Variants in PLCXD2 observed in about 807,000 individuals in gnomAD.
The protein encoded by PLCXD2 is phosphatidylinositol specific phospholipase C X domain containing 2.
PLCXD2 carries 21 observed loss-of-function variants against 28.6 expected under a neutral mutation model. The ratio of observed to expected loss-of-function variants is 0.73; its 90% CI spans 0.52 to 1.06. The LOEUF (loss-of-function observed/expected upper bound fraction) is 1.06. PLCXD2 is among the 50% of genes least tolerant of loss of function. The pLI, the probability that PLCXD2 is intolerant of heterozygous loss-of-function variation, is 0.00. For missense variants in PLCXD2, 369 were observed against 376.7 expected, an observed-to-expected ratio of 0.98 and a Z score of 0.17; for synonymous variants, 140 against 150.1, an observed-to-expected ratio of 0.93 and a Z score of 0.49.
intron 1 of PLCXD2, among the ~76,000 whole-genome samples, chr3:111,704,760 T>C (rs1278847017): frequency 6.6e-6 from 1 of 152,060 alleles, no homozygotes; most frequent in African/African-American, 2.4e-5. Flanking sequence ...TTATAGTCAA[T>C]CATATTCATC....
At chr3:111,686,060 G>T (rs1940790572) in intron 1 of PLCXD2, among the ~76,000 whole-genome samples, 1 of 152,192 alleles carries the variant, frequency 6.6e-6, no homozygotes, top group African/African-American at 2.4e-5. Flanking sequence ...TGCCCCTCTG[G>T]CAATCTCAGG....
At position 111,676,551 on chromosome 3, in the gene PLCXD2, C is replaced by T. The variant is rs551336351; in HGVS notation, c.163+1143C>T. Reference sequence around the variant, plus strand: ...CCAGGTTCATTGTCCTCATAGGCCCCGGTTGCTTTTGAGCAAGGAGAGGGC... The same window carrying T: ...CCAGGTTCATTGTCCTCATAGGCCCTGGTTGCTTTTGAGCAAGGAGAGGGC... On this transcript the variant is annotated intron_variant, in intron 1 of 4. Coordinates refer to ENST00000477665, the MANE Select transcript of PLCXD2 (RefSeq NM_001185106.1). 3.3e-5 allele frequency among the ~76,000 whole-genome samples: 5 copies of T among 152,204 alleles called. No homozygotes were observed. The South Asian group carries it at 6.2e-4, about 19-fold the overall frequency.
intron 1 of PLCXD2, among the ~76,000 whole-genome samples, chr3:111,701,652 A>G (rs530312956): frequency 6.6e-6 from 1 of 152,142 alleles, no homozygotes; most frequent in Non-Finnish European, 1.5e-5. Context: ...AAAGGACCCA[A>G]ATTAGGGTTT....
rs1317237797 is a variant in PLCXD2 at position 111,708,226 on chromosome 3, A to C, written c.464A>C (p.Gln155Pro). 6.2e-7 allele frequency: 1 copy of C among 1,614,174 alleles called. No individual in the cohort carries two copies. Among genetic ancestry groups the C allele is most frequent in the Non-Finnish European group, 8.5e-7 (1 of 1,180,016 alleles). ...GACTCGTTTCTTACACAGCACCCCC[A>C]GGAGATTATCTTCCTGGATTTCAAC... Residue 155 changes from glutamine to proline, a missense_variant, in exon 2 of 5, where the codon CAG becomes CCG. Transcript: ENST00000477665.
chr3:111,719,381 C>T (rs566786810), intron 3 of PLCXD2, among the ~76,000 whole-genome samples: 2 of 152,182 alleles, frequency 1.3e-5, no homozygotes, highest in South Asian at 4.2e-4. Context: ...TAAATAACTT[C>T]TACAACTCAA....
chr3:111,708,041 G>A lies in PLCXD2; in HGVS notation c.279G>A (p.Lys93=), dbSNP rs761706804. The A allele has an allele frequency of 4.6e-5, 74 of 1,614,188 alleles. No homozygotes were observed. In the Admixed American group the frequency reaches 4.8e-4, roughly 11 times the overall value. ...CCTTGGTGAAGAAGCTAATGAAGAAGTGGTCTGTGACTCAGAACCTGACAT... is the reference window on the plus strand; with the variant it reads ...CCTTGGTGAAGAAGCTAATGAAGAAATGGTCTGTGACTCAGAACCTGACAT... The change falls in exon 2 of 5, where the codon AAG becomes AAA. Residue 93 remains lysine, a synonymous_variant. Coordinates refer to ENST00000477665, the MANE Select transcript of PLCXD2 (RefSeq NM_001185106.1).
In PLCXD2 at chr3:111,708,268, A is replaced by G; in HGVS notation, c.506A>G (p.Asp169Gly). Residue 169 changes from aspartate (D) to glycine (G), a missense_variant, in exon 2 of 5, where the codon GAT becomes GGT. Asp to Gly is a moderately conservative substitution (Grantham distance 94, BLOSUM62 -1). Coordinates refer to ENST00000477665, the MANE Select transcript of PLCXD2 (RefSeq NM_001185106.1). ...GATTTCAACCACTTCTATGCCATGGATGAGACCCATCACAAATGCCTGGTT... is the reference window on the plus strand; with the variant it reads ...GATTTCAACCACTTCTATGCCATGGGTGAGACCCATCACAAATGCCTGGTT... The G allele has an allele frequency of 2.5e-6, 4 of 1,614,154 alleles. No homozygotes were observed. The highest frequency in any genetic ancestry group is 3.4e-6 in the Non-Finnish European group (4 of 1,180,032).
chr3:111,699,113 T>A (rs868278175), intron 1 of PLCXD2, among the ~76,000 whole-genome samples: 6 of 152,068 alleles, frequency 3.9e-5, no homozygotes, highest in Non-Finnish European at 7.4e-5. Flanking sequence ...GACAGGAGGT[T>A]TTCTTAAATA....
chr3:111,687,922 A>G (rs1441290525), intron 1 of PLCXD2, among the ~76,000 whole-genome samples: 1 of 152,054 alleles, frequency 6.6e-6, no homozygotes, highest in Non-Finnish European at 1.5e-5. Flanking sequence ...ATCCTCTCGC[A>G]ATGACCTCCC....
intron 3 of PLCXD2, chr3:111,725,707 A>C: frequency 2.5e-6 from 1 of 398,602 alleles, no homozygotes; most frequent in Non-Finnish European, 4.4e-6. Context: ...CAAAACTTTT[A>C]GGACTTTTCA....
intron 3 of PLCXD2, chr3:111,723,862 C>T (rs1941380028): frequency 6.6e-6 from 1 of 152,176 alleles, no homozygotes; most frequent in South Asian, 2.1e-4. Flanking sequence ...CAAAACAAGG[C>T]TCTCATACTT....
chr3:111,713,595 T>A (rs1035040439), intron 2 of PLCXD2, among the ~76,000 whole-genome samples: 3 of 152,226 alleles, frequency 2.0e-5, no homozygotes, highest in Non-Finnish European at 4.4e-5. Flanking sequence ...TGTAATCCTG[T>A]ATATTGTATG....
chr3:111,698,823 C>A (rs1361501966), intron 1 of PLCXD2, among the ~76,000 whole-genome samples: 1 of 152,190 alleles, frequency 6.6e-6, no homozygotes, highest in East Asian at 1.9e-4. Context: ...CATAATCACT[C>A]CCTGAAGGAG....
chr3:111,700,079 G>C (rs1268242794), intron 1 of PLCXD2, among the ~76,000 whole-genome samples: 2 of 152,170 alleles, frequency 1.3e-5, no homozygotes, highest in African/African-American at 2.4e-5. Context: ...CAAGAAGCTT[G>C]TCAGCTTCCG....
At chr3:111,715,794 G>A (rs895078024) in intron 3 of PLCXD2, among the ~76,000 whole-genome samples, 8 of 152,112 alleles carry the variant, frequency 5.3e-5, no homozygotes, top group African/African-American at 1.7e-4. Flanking sequence ...CCTTTTCAGC[G>A]TTGGACACTG....
intron 3 of PLCXD2, among the ~76,000 whole-genome samples, chr3:111,715,075 T>TA (rs1458805151): frequency 6.6e-6 from 1 of 152,202 alleles, no homozygotes; most frequent in East Asian, 1.9e-4. Flanking sequence ...GGAGTTCACC[T>TA]AGCAGGAGTT....
At chr3:111,694,424 C>G (rs1940932704) in intron 1 of PLCXD2, among the ~76,000 whole-genome samples, 1 of 151,756 alleles carries the variant, frequency 6.6e-6, no homozygotes. Context: ...TCTCTTATCG[C>G]ATGTTCATTT....
rs551536608 is a variant in PLCXD2 at position 111,675,059 on chromosome 3, G to C, written c.-187G>C. ...AGGGAGTGGAGCGGAGGCTGGGCCG[G>C]AGAGAGTGGGGACTGTGAGTGCTAG... is the stretch of plus-strand genomic sequence containing the variant. On this transcript the variant is annotated 5_prime_UTR_variant, in exon 1 of 5. Coordinates refer to ENST00000477665, the MANE Select transcript of PLCXD2 (RefSeq NM_001185106.1). The C allele has an allele frequency of 3.2e-6, 2 of 620,074 alleles. No homozygotes were observed. Among genetic ancestry groups the C allele is most frequent in the Admixed American group, 6.1e-5 (2 of 32,948 alleles). 38.4% of individuals were successfully genotyped at this position (620,074 alleles called of 1,614,324 possible). A position where few individuals can be genotyped will look rare whatever the true frequency, so the allele number is the denominator to read the frequency against.
chr3:111,716,651 A>AC (rs1941271006), intron 3 of PLCXD2, among the ~76,000 whole-genome samples: 1 of 152,164 alleles, frequency 6.6e-6, no homozygotes. Flanking sequence ...ATGGACTGAA[A>AC]TCAGAAGGCC....
Sources: gnomAD v4.1 joint callset for allele counts (sites outside exome capture counted in the v4.1 genomes callset) on GRCh38, gnomAD v4.1.1 for gene constraint, MANE v1.5 for transcripts, NCBI Gene and HGNC (gene_info 2026-07-23, HGNC 2026-07-21) for gene names.